The following MALRD1 variants were observed in gnomAD, a reference collection of about 807,000 sequenced individuals.
The protein encoded by MALRD1 is MAM and LDL receptor class A domain containing 1, also known as MAM and LDL-receptor class A domain-containing protein 1.
A neutral mutation model predicts 242.1 loss-of-function variants in MALRD1; 247 were observed. The observed-to-expected ratio is 1.02, with a 90% CI of 0.92 to 1.13. The LOEUF is 1.13. Ranked by LOEUF, MALRD1 falls within the 50% of genes most tolerant of loss-of-function variation. MALRD1 has a pLI of 0.00. For synonymous variants in MALRD1, 995 were observed against 866.6 expected (o/e 1.15, Z -2.60); for missense variants, 2,989 against 2,533.1 (o/e 1.18, Z -3.86).
At chr10:19,414,989 A>C (rs573613378) in intron 28 of MALRD1, among the ~76,000 whole-genome samples, 3 of 152,010 alleles carry the variant, frequency 2.0e-5, no homozygotes, top group Non-Finnish European at 2.9e-5. Flanking sequence ...AACTCATAAC[A>C]CTTTTTTTCT....
chr10:19,214,827 A>T (rs12251785), intron 18 of MALRD1, among the ~76,000 whole-genome samples: 1 of 152,170 alleles, frequency 6.6e-6, no homozygotes, highest in Admixed American at 6.5e-5. Flanking sequence ...TCCCATTGAG[A>T]CTTTCACAAA....
At position 19,498,239 on chromosome 10, in the gene MALRD1, A is replaced by G. The variant is rs865849032; in HGVS notation, c.5159-246A>G. 3.9e-5 allele frequency among the ~76,000 whole-genome samples: 6 copies of G among 152,232 alleles called. No individual in the cohort carries two copies. The South Asian group carries it at 1.2e-3, about 31-fold the overall frequency. ...TTGTTCATGTGTAGACACAGTTTTA[A>G]CTATCATCTATAAATATTATTCGTC... On this transcript the variant is annotated intron_variant, in intron 30 of 39. Coordinates refer to ENST00000454679, the MANE Select transcript of MALRD1 (RefSeq NM_001142308.3).
At chr10:19,695,225 A>G (rs1339222354) in intron 38 of MALRD1, among the ~76,000 whole-genome samples, 1 of 152,122 alleles carries the variant, frequency 6.6e-6, no homozygotes, top group Non-Finnish European at 1.5e-5. Flanking sequence ...TATAATAAAA[A>G]CTATATAAAT....
rs182525878 is a variant in MALRD1, at chr10:19,711,541, G to T, written c.6314+18987G>T. 1.2e-3 allele frequency among the ~76,000 whole-genome samples: 188 copies of T among 152,292 alleles called. 1 individual carries two copies. The highest frequency in any genetic ancestry group is 1.5e-3 in the Non-Finnish European group (100 of 68,034). On this transcript the variant is annotated intron_variant, in intron 38 of 39. Transcript: ENST00000454679. ...ACTGGAAAAGGAGAGACAGTCTTTG[G>T]TTTGAAGGTAATGATAATATGGAAG...
At chr10:19,346,649 G>GGTTTTTT (rs1397598473) in intron 24 of MALRD1, among the ~76,000 whole-genome samples, 1 of 151,880 alleles carries the variant, frequency 6.6e-6, no homozygotes, top group East Asian at 1.9e-4. Context: ...CTCACTCATT[G>GGTTTTTT]GTTTTTTGTT....
intron 9 of MALRD1, 42 bp downstream of exon 9, chr10:19,133,990 A>C: frequency 9.4e-7 from 1 of 1,059,312 alleles, no homozygotes; most frequent in Admixed American, 4.3e-5. Context: ...TCATGGTTTA[A>C]GTTTTAGCTT....
chr10:19,087,867 T>A lies in MALRD1; in HGVS notation c.368T>A (p.Val123Glu). 8.1e-7 allele frequency: 1 copy of A among 1,233,124 alleles called. No homozygotes were observed. Among genetic ancestry groups the A allele is most frequent in the Non-Finnish European group, 1.0e-6 (1 of 987,672 alleles). 76.4% of individuals were successfully genotyped at this position (1,233,124 alleles called of 1,614,324 possible). A position where few individuals can be genotyped will look rare whatever the true frequency, so the allele number is the denominator to read the frequency against. Residue 123 changes from valine to glutamate, a missense_variant, in exon 3 of 40, where the codon GTG becomes GAG. Coordinates refer to ENST00000454679, the MANE Select transcript of MALRD1 (RefSeq NM_001142308.3). ...CACTTCCTCTCACTGGTTTCCAGAG[T>A]GGATTCTATTTCCTCAAGTTTAAGA... ...SAHFLSLVSR[V>E]DSISSSLRSR...
intron 34 of MALRD1, among the ~76,000 whole-genome samples, chr10:19,600,692 T>C (rs1838301467): frequency 6.6e-6 from 1 of 152,146 alleles, no homozygotes; most frequent in Non-Finnish European, 1.5e-5. Context: ...ATATTTTCCA[T>C]GCAGCAACGA....
chr10:19,692,957 G>A (rs1833171150), intron 38 of MALRD1, among the ~76,000 whole-genome samples: 1 of 149,804 alleles, frequency 6.7e-6, no homozygotes, highest in Non-Finnish European at 1.5e-5. Flanking sequence ...CATATAAACA[G>A]AACCAAAGAC....
intron 33 of MALRD1, among the ~76,000 whole-genome samples, chr10:19,594,503 A>G (rs1273027001): frequency 1.3e-5 from 2 of 152,114 alleles, no homozygotes; most frequent in Non-Finnish European, 2.9e-5. Flanking sequence ...CCCCACAAAA[A>G]AGTTATTATA....
intron 26 of MALRD1, among the ~76,000 whole-genome samples, chr10:19,382,489 A>G (rs181621306): frequency 2.0e-5 from 3 of 152,276 alleles, no homozygotes; most frequent in African/African-American, 7.2e-5. Context: ...TGTAATCACA[A>G]ACTAGAAGGC....
At chr10:19,722,474 C>CAGCT (rs1185115158) in intron 38 of MALRD1, 2 of 151,202 alleles carry the variant, frequency 1.3e-5, no homozygotes, top group Admixed American at 6.6e-5. Flanking sequence ...CCTGTAGTCC[C>CAGCT]AGCTAGTCAG....
intron 28 of MALRD1, among the ~76,000 whole-genome samples, chr10:19,403,982 A>G (rs1846979871): frequency 6.6e-6 from 1 of 152,146 alleles, no homozygotes; most frequent in African/African-American, 2.4e-5. Flanking sequence ...TAATACTTCA[A>G]ATGGCATTAA....
intron 29 of MALRD1, among the ~76,000 whole-genome samples, chr10:19,450,990 T>G (rs1341256522): frequency 6.6e-6 from 1 of 152,110 alleles, no homozygotes; most frequent in African/African-American, 2.4e-5. Context: ...CACCTTTGGG[T>G]TTAGGATTTC....
intron 38 of MALRD1, chr10:19,710,636 CTG>C (rs1278310468): frequency 6.6e-6 from 1 of 152,216 alleles, no homozygotes; most frequent in Non-Finnish European, 1.5e-5. Context: ...ACAATACAAA[CTG>C]TATAAAATAT....
At chr10:19,105,472 A>G (rs1267023117) in intron 5 of MALRD1, among the ~76,000 whole-genome samples, 2 of 152,028 alleles carry the variant, frequency 1.3e-5, no homozygotes, top group Non-Finnish European at 2.9e-5. Context: ...TCTGCAGTAA[A>G]CATGGGAATG....
chr10:19,151,212 T>G (rs1470530398), intron 11 of MALRD1, among the ~76,000 whole-genome samples: 2 of 152,092 alleles, frequency 1.3e-5, no homozygotes, highest in Non-Finnish European at 2.9e-5. Context: ...ATGTCTCAAT[T>G]TATTTGGGTT....
intron 18 of MALRD1, among the ~76,000 whole-genome samples, chr10:19,249,881 T>A (rs1396602319): frequency 6.6e-6 from 1 of 152,092 alleles, no homozygotes; most frequent in East Asian, 1.9e-4. Context: ...CATTTTTTTT[T>A]ATTTCTGCTT....
At position 19,327,641 on chromosome 10, in the gene MALRD1, G is replaced by A; in HGVS notation, c.3655G>A (p.Glu1219Lys). ...GQQGAQWKRAEVFLGIRSHTQ... is the reference protein window; with the variant it reads ...GQQGAQWKRAKVFLGIRSHTQ... The stretch of plus-strand genomic sequence containing the variant: ...GCAAGGTGCACAGTGGAAGAGAGCA[G>A]AAGTGTTTTTAGGCATTCGTTCACA... The change falls in exon 23 of 40, where the codon GAA becomes AAA. Residue 1219 changes from glutamate to lysine, a missense_variant. By Grantham distance (56) the Glu-to-Lys change is moderately conservative. Transcript: ENST00000454679. 6.5e-7 allele frequency: 1 copy of A among 1,549,816 alleles called. No individual in the cohort carries two copies. The highest frequency in any genetic ancestry group is 8.7e-7 in the Non-Finnish European group (1 of 1,146,368).
Sources: gnomAD v4.1 joint callset for allele counts (sites outside exome capture counted in the v4.1 genomes callset) on GRCh38, gnomAD v4.1.1 for gene constraint, MANE v1.5 for transcripts, NCBI Gene and HGNC (gene_info 2026-07-23, HGNC 2026-07-21) for gene names.